UNC13C: variants seen among roughly 807,000 people sequenced by gnomAD.
UNC13C encodes the protein unc-13 homolog C, also known as protein unc-13 homolog C.
UNC13C carries 174 observed loss-of-function variants against 245.4 expected under a neutral mutation model. The observed-to-expected ratio is 0.71, with a 90% CI of 0.63 to 0.80. The LOEUF (loss-of-function observed/expected upper bound fraction) is 0.80, where lower values mean the gene tolerates loss of function less well. Ranked by LOEUF, UNC13C falls within the 30% of genes least tolerant of loss-of-function variation. The pLI is 0.00. For synonymous variants in UNC13C, 992 were observed against 895.1 expected (o/e 1.11, Z -1.93); for missense variants, 2,829 against 2,602.9 (o/e 1.09, Z -1.89).
At chr15:54,427,396 G>A (rs936100235) in intron 19 of UNC13C, among the ~76,000 whole-genome samples, 1 of 151,758 alleles carries the variant, frequency 6.6e-6, no homozygotes, top group African/African-American at 2.4e-5. Context: ...TTCCCACCAT[G>A]ATTCTGAGGC....
the UNC13C span, among the ~76,000 whole-genome samples, chr15:53,860,457 C>T: frequency 2.0e-5 from 3 of 152,100 alleles, no homozygotes; most frequent in Non-Finnish European, 4.4e-5. Context: ...GTCATGCAAC[C>T]CCTATTTAGA....
At chr15:54,424,205 A>G (rs1015938533) in intron 19 of UNC13C, among the ~76,000 whole-genome samples, 2 of 149,520 alleles carry the variant, frequency 1.3e-5, no homozygotes, top group Non-Finnish European at 3.0e-5. Flanking sequence ...ATAACCAATG[A>G]AAAAAAAAAT....
chr15:53,912,257 G>C, the UNC13C span: 3 of 152,248 alleles, frequency 2.0e-5, no homozygotes, highest in Non-Finnish European at 2.9e-5. Flanking sequence ...AAACTTTTCA[G>C]CTCAAGGACT....
chr15:54,129,774 T>C (rs761311010), intron 2 of UNC13C, among the ~76,000 whole-genome samples: 1 of 151,480 alleles, frequency 6.6e-6, no homozygotes, highest in Admixed American at 6.6e-5. Context: ...AATAATATTG[T>C]TTATATGTAC....
At chr15:53,873,751 C>CATTTCTGACATTTGTTCTGATCTGCATCA in the UNC13C span, among the ~76,000 whole-genome samples, 1 of 151,998 alleles carries the variant, frequency 6.6e-6, no homozygotes, top group African/African-American at 2.4e-5. Context: ...AACTATGTTG[C>CATTTCTGACATTTGTTCTGATCTGCATCA]CCAGGCTGGT....
At chr15:54,116,915 CCA>C (rs1374622815) in intron 2 of UNC13C, among the ~76,000 whole-genome samples, 1 of 152,120 alleles carries the variant, frequency 6.6e-6, no homozygotes, top group African/African-American at 2.4e-5. Context: ...TCCCCTTTCT[CCA>C]TATCCTTGCC....
intron 25 of UNC13C, among the ~76,000 whole-genome samples, chr15:54,530,242 A>G (rs1483037532): frequency 6.6e-6 from 1 of 152,218 alleles, no homozygotes; most frequent in African/African-American, 2.4e-5. Context: ...AATGATGGCC[A>G]CATTCCAGAT....
the UNC13C span, among the ~76,000 whole-genome samples, chr15:53,924,521 G>GA: frequency 5.3e-5 from 8 of 152,158 alleles, no homozygotes; most frequent in Non-Finnish European, 8.8e-5. Context: ...GCAAATTAAG[G>GA]AAATAGTGAG....
chr15:54,346,175 G>A (rs1386147032), intron 17 of UNC13C, among the ~76,000 whole-genome samples: 1 of 151,902 alleles, frequency 6.6e-6, no homozygotes, highest in Non-Finnish European at 1.5e-5. Context: ...CCCAGTGCCT[G>A]GTGGTATACC....
At chr15:54,632,651 T>C (rs1901476238), downstream of UNC13C, 1 of 152,224 alleles carries the variant, frequency 6.6e-6, no homozygotes, top group Non-Finnish European at 1.5e-5. Context: ...CACTTGGAAT[T>C]ACCTTTGTAC....
chr15:54,310,786 G>T (rs1322793081), intron 13 of UNC13C, among the ~76,000 whole-genome samples: 2 of 145,146 alleles, frequency 1.4e-5, no homozygotes, highest in Admixed American at 1.4e-4. Context: ...CTATATATAT[G>T]TACATACACA....
At chr15:53,961,806 A>C in the UNC13C span, among the ~76,000 whole-genome samples, 1 of 152,186 alleles carries the variant, frequency 6.6e-6, no homozygotes, top group Non-Finnish European at 1.5e-5. Context: ...AAATATGTAC[A>C]GTAGCAGAAT....
intron 2 of UNC13C, among the ~76,000 whole-genome samples, chr15:54,129,677 C>A (rs1355843176): frequency 1.3e-5 from 2 of 151,142 alleles, no homozygotes; most frequent in African/African-American, 4.8e-5. Context: ...TAAGTTTGAC[C>A]ATTAATTGGC....
the UNC13C span, among the ~76,000 whole-genome samples, chr15:53,854,625 G>GA: frequency 2.6e-4 from 39 of 152,276 alleles, no homozygotes; most frequent in African/African-American, 9.1e-4. Context: ...TCTTATTTCT[G>GA]AGTTCTCTAT....
At chr15:54,187,552 C>G (rs760838038) in intron 4 of UNC13C, among the ~76,000 whole-genome samples, 47 of 152,168 alleles carry the variant, frequency 3.1e-4, no homozygotes, top group Non-Finnish European at 4.9e-4. Context: ...TGATACCCCT[C>G]TGCTCAGAGT....
intron 17 of UNC13C, among the ~76,000 whole-genome samples, chr15:54,368,121 C>G (rs1243330849): frequency 6.6e-6 from 1 of 152,036 alleles, no homozygotes; most frequent in East Asian, 1.9e-4. Flanking sequence ...TTAGTCTCAG[C>G]CATGCATTTC....
chr15:54,502,915 G>A (rs748504037), intron 22 of UNC13C, among the ~76,000 whole-genome samples: 14 of 152,052 alleles, frequency 9.2e-5, no homozygotes, highest in Non-Finnish European at 1.6e-4. Flanking sequence ...GCAGCCACCC[G>A]TTTGTAGCTC....
intron 2 of UNC13C, among the ~76,000 whole-genome samples, chr15:54,070,658 A>G (rs1446711557): frequency 6.6e-6 from 1 of 152,134 alleles, no homozygotes; most frequent in Non-Finnish European, 1.5e-5. Context: ...TGGACCATGC[A>G]TGTTCATGTG....
chr15:54,200,202 A>T (rs1340115161), intron 4 of UNC13C, among the ~76,000 whole-genome samples: 1 of 152,110 alleles, frequency 6.6e-6, no homozygotes, highest in African/African-American at 2.4e-5. Flanking sequence ...TTCTAGACCT[A>T]AGAAAGGAGA....
Sources: gnomAD v4.1 joint callset for allele counts (sites outside exome capture counted in the v4.1 genomes callset) on GRCh38, gnomAD v4.1.1 for gene constraint, MANE v1.5 for transcripts, NCBI Gene and HGNC (gene_info 2026-07-23, HGNC 2026-07-21) for gene names.